Variants in DRC8 observed in about 807,000 individuals in gnomAD.
The protein encoded by DRC8 is dynein regulatory complex protein 8.
the DRC8 span, chr1:244,970,507 G>T: frequency 6.6e-7 from 1 of 1,508,256 alleles, no homozygotes; most frequent in Non-Finnish European, 8.8e-7. Context: ...GCTGCACGGG[G>T]AAGCGCCGGG....
the DRC8 span, among the ~76,000 whole-genome samples, chr1:245,095,883 A>G: frequency 2.6e-5 from 4 of 152,332 alleles, no homozygotes; most frequent in South Asian, 8.3e-4. Context: ...TGTGTTTTCA[A>G]TCTGTCCTGC....
chr1:245,033,245 G>A, the DRC8 span, among the ~76,000 whole-genome samples: 12 of 152,252 alleles, frequency 7.9e-5, no homozygotes, highest in South Asian at 1.7e-3. Flanking sequence ...CACAGGTGCC[G>A]GTGTGGGTAG....
At chr1:245,000,838 T>C in the DRC8 span, among the ~76,000 whole-genome samples, 6 of 151,716 alleles carry the variant, frequency 4.0e-5, no homozygotes, top group Admixed American at 3.3e-4. Context: ...TCAATAAATA[T>C]TATTGAATGA....
the DRC8 span, among the ~76,000 whole-genome samples, chr1:245,005,250 T>A: frequency 6.6e-6 from 1 of 152,192 alleles, no homozygotes; most frequent in Non-Finnish European, 1.5e-5. Context: ...CAGTTTTGTT[T>A]TTTTTTTAAA....
chr1:244,994,877 A>G, the DRC8 span, among the ~76,000 whole-genome samples: 8 of 152,300 alleles, frequency 5.3e-5, no homozygotes, highest in South Asian at 8.3e-4. Flanking sequence ...CTGTAGAACC[A>G]TATACTGTAT....
At chr1:244,982,525 G>A in the DRC8 span, among the ~76,000 whole-genome samples, 6 of 151,984 alleles carry the variant, frequency 3.9e-5, no homozygotes, top group African/African-American at 1.2e-4. Context: ...TTAGCCAGGC[G>A]TGGTGGCGTG....
At chr1:244,973,207 T>C in the DRC8 span, among the ~76,000 whole-genome samples, 56 of 138,708 alleles carry the variant, frequency 4.0e-4, no homozygotes, top group Non-Finnish European at 1.6e-5. Flanking sequence ...TATACTAATA[T>C]AATAATTTTG....
the DRC8 span, among the ~76,000 whole-genome samples, chr1:245,112,536 A>T: frequency 1.3e-5 from 2 of 152,260 alleles, no homozygotes; most frequent in Non-Finnish European, 2.9e-5. Context: ...TTGTGAAAGC[A>T]GGTAACTTTT....
the DRC8 span, among the ~76,000 whole-genome samples, chr1:244,999,485 C>T: frequency 2.6e-5 from 4 of 152,062 alleles, no homozygotes; most frequent in African/African-American, 9.7e-5. Flanking sequence ...TCTCCAGGAC[C>T]CCTCATCATT....
the DRC8 span, chr1:245,059,528 A>G: frequency 7.3e-7 from 1 of 1,371,448 alleles, no homozygotes; most frequent in South Asian, 1.3e-5. Context: ...ATTAAAAACA[A>G]TCCTTACCGG....
At chr1:245,104,811 G>A in the DRC8 span, among the ~76,000 whole-genome samples, 7 of 152,286 alleles carry the variant, frequency 4.6e-5, no homozygotes, top group East Asian at 5.8e-4. Flanking sequence ...TGTAATGTCC[G>A]ATATGCAATA....
the DRC8 span, among the ~76,000 whole-genome samples, chr1:245,104,362 G>C: frequency 6.6e-6 from 1 of 152,034 alleles, no homozygotes; most frequent in African/African-American, 2.4e-5. Context: ...AGAGCAGCCG[G>C]GTGTGGTGGC....
chr1:245,093,756 G>A, the DRC8 span, among the ~76,000 whole-genome samples: 1 of 151,668 alleles, frequency 6.6e-6, no homozygotes, highest in Non-Finnish European at 1.5e-5. Context: ...TTGAAAAATT[G>A]AGGCCAAACC....
At chr1:245,123,193 C>A in the DRC8 span, 2 of 152,094 alleles carry the variant, frequency 1.3e-5, no homozygotes, top group African/African-American at 2.4e-5. The surrounding 1 kb of genome is among the most constrained non-coding windows in gnomAD (Gnocchi z 5.0). Context: ...CTATTTGGAC[C>A]GTAGGTTTTG....
At chr1:245,110,048 C>T in the DRC8 span, among the ~76,000 whole-genome samples, 5,245 of 152,208 alleles carry the variant, frequency 0.034, 310 homozygotes, top group African/African-American at 0.12. Context: ...TGGCCAATTG[C>T]GTAACTGGAG....
At chr1:244,977,990 G>C in the DRC8 span, among the ~76,000 whole-genome samples, 1 of 151,948 alleles carries the variant, frequency 6.6e-6, no homozygotes, top group South Asian at 2.1e-4. Context: ...ACTTTTAGGG[G>C]CACTTATTTT....
At chr1:245,015,449 G>A in the DRC8 span, among the ~76,000 whole-genome samples, 1 of 152,202 alleles carries the variant, frequency 6.6e-6, no homozygotes, top group East Asian at 1.9e-4. Flanking sequence ...GGTGGCTCAC[G>A]CCTGTAATCC....
chr1:245,018,529 C>G, the DRC8 span, among the ~76,000 whole-genome samples: 1 of 152,054 alleles, frequency 6.6e-6, no homozygotes, highest in Non-Finnish European at 1.5e-5. Context: ...GGGCAGGGTG[C>G]TGGTGGTGGT....
chr1:244,993,542 T>C, the DRC8 span, among the ~76,000 whole-genome samples: 3 of 152,158 alleles, frequency 2.0e-5, no homozygotes, highest in Non-Finnish European at 4.4e-5. Flanking sequence ...CAACATACAA[T>C]GGGAAAAGGT....
Sources: gnomAD v4.1 joint callset for allele counts (sites outside exome capture counted in the v4.1 genomes callset) on GRCh38, gnomAD v4.1.1 for gene constraint, Gnocchi (gnomAD v3.1) non-coding constraint, MANE v1.5 for transcripts, NCBI Gene and HGNC (gene_info 2026-07-23, HGNC 2026-07-21) for gene names.